Variants in AGMO observed in about 807,000 individuals in gnomAD.
AGMO encodes glyceryl-ether monooxygenase.
A neutral mutation model predicts 60.2 loss-of-function variants in AGMO; 75 were observed. The ratio of observed to expected loss-of-function variants is 1.25; its 90% confidence interval spans 1.03 to 1.51. AGMO has a LOEUF of 1.51. AGMO is among the 40% of genes most tolerant of loss of function. The pLI, the probability that AGMO is intolerant of heterozygous loss-of-function variation, is 0.00. For missense variants in AGMO, 763 were observed against 525.5 expected, an observed-to-expected ratio of 1.45 and a Z score of -4.42; for synonymous variants, 261 against 177.1, an observed-to-expected ratio of 1.47 and a Z score of -3.76.
intron 12 of AGMO, among the ~76,000 whole-genome samples, chr7:15,352,255 A>G (rs534393254): frequency 5.3e-5 from 8 of 152,298 alleles, no homozygotes; most frequent in African/African-American, 9.6e-5. Context: ...TCAAAGGCAT[A>G]TAAGATGGCC....
At position 15,501,455 on chromosome 7, in the gene AGMO, T is replaced by C. The variant is rs77866682; in HGVS notation, c.409+43317A>G. ...GGATATATCATGGTATTCTCTCCAC[T>C]TTTGTGTATATTTGGAAATTTTTAT... On this transcript the variant is annotated intron_variant, in intron 3 of 12. Transcript: ENST00000342526. 1.1e-3 allele frequency among the ~76,000 whole-genome samples: 174 copies of C among 152,092 alleles called. 1 individual carries two copies. The highest frequency in any genetic ancestry group is 4.0e-3 in the African/African-American group (167 of 41,508).
intron 5 of AGMO, among the ~76,000 whole-genome samples, chr7:15,406,092 C>G (rs751001249): frequency 2.0e-5 from 3 of 151,590 alleles, no homozygotes; most frequent in Non-Finnish European, 4.4e-5. Flanking sequence ...ACTCTTCTAA[C>G]TTTGGTTCTT....
chr7:15,319,708 G>T (rs1781048224), intron 12 of AGMO, among the ~76,000 whole-genome samples: 1 of 151,950 alleles, frequency 6.6e-6, no homozygotes, highest in South Asian at 2.1e-4. Flanking sequence ...CACACGGAAA[G>T]ATTCCATTAG....
chr7:15,129,416 T>C, the AGMO span, among the ~76,000 whole-genome samples: 1 of 152,122 alleles, frequency 6.6e-6, no homozygotes, highest in Non-Finnish European at 1.5e-5. Flanking sequence ...TATAGGAAGA[T>C]AATTCTATGT....
chr7:15,255,207 C>T (rs368070548), intron 12 of AGMO, among the ~76,000 whole-genome samples: 9 of 151,714 alleles, frequency 5.9e-5, no homozygotes, highest in South Asian at 2.1e-4. Flanking sequence ...GGAGCCTGTC[C>T]GGGGAGGGGA....
chr7:15,134,261 C>G, the AGMO span, among the ~76,000 whole-genome samples: 1 of 152,174 alleles, frequency 6.6e-6, no homozygotes, highest in Non-Finnish European at 1.5e-5. Flanking sequence ...CTACTGAGCT[C>G]AAGTGATCCT....
Position 15,347,135 on chromosome 7 carries a change from T to C in AGMO, c.1263+18379A>G, listed in dbSNP as rs368973337. 3.4e-4 allele frequency among the ~76,000 whole-genome samples: 52 copies of C among 152,138 alleles called. No individual in the cohort carries two copies. In the South Asian group the frequency reaches 8.7e-3, roughly 25 times the overall value. On this transcript the variant is annotated intron_variant, in intron 12 of 12. Transcript: ENST00000342526. The stretch of plus-strand genomic sequence containing the variant: ...TCTCTTCTCTATCCATTTTCCTGTA[T>C]TGCAATTCTTCTCCCCAGAGGATTC...
intron 12 of AGMO, among the ~76,000 whole-genome samples, chr7:15,228,037 C>T (rs1010247571): frequency 9.9e-5 from 15 of 151,988 alleles, no homozygotes; most frequent in African/African-American, 3.4e-4. Context: ...CAGGGTGCTG[C>T]CTGATTCATG....
At chr7:15,515,576 G>T (rs1783785920) in intron 3 of AGMO, among the ~76,000 whole-genome samples, 1 of 152,188 alleles carries the variant, frequency 6.6e-6, no homozygotes, top group South Asian at 2.1e-4. Context: ...AGACAATTTT[G>T]CTGTATATGA....
chr7:15,140,564 C>T, the AGMO span, among the ~76,000 whole-genome samples: 2 of 151,984 alleles, frequency 1.3e-5, no homozygotes, highest in African/African-American at 2.4e-5. Flanking sequence ...CTCGCCTTTA[C>T]TTTTTTTAAT....
At chr7:15,436,521 G>C (rs1162738838) in intron 3 of AGMO, among the ~76,000 whole-genome samples, 2 of 152,084 alleles carry the variant, frequency 1.3e-5, no homozygotes, top group African/African-American at 4.8e-5. Flanking sequence ...TCCTAACATT[G>C]TTGCATTTGT....
At chr7:15,383,931 T>C (rs1783801863) in intron 10 of AGMO, among the ~76,000 whole-genome samples, 1 of 152,030 alleles carries the variant, frequency 6.6e-6, no homozygotes, top group Non-Finnish European at 1.5e-5. Flanking sequence ...ATTTAGTCCA[T>C]CTATTTTTTT....
chr7:15,250,091 TA>T (rs892915677), intron 12 of AGMO, among the ~76,000 whole-genome samples: 1 of 152,220 alleles, frequency 6.6e-6, no homozygotes, highest in Non-Finnish European at 1.5e-5. Context: ...TTCAACAATT[TA>T]ATATAATTGT....
the AGMO span, among the ~76,000 whole-genome samples, chr7:15,133,987 T>C: frequency 6.6e-6 from 1 of 152,220 alleles, no homozygotes; most frequent in Non-Finnish European, 1.5e-5. Flanking sequence ...CTTTCTGTTA[T>C]GGTCCCTATA....
intron 2 of AGMO, among the ~76,000 whole-genome samples, chr7:15,558,285 C>T (rs542194966): frequency 6.6e-6 from 1 of 151,842 alleles, no homozygotes; most frequent in African/African-American, 2.4e-5. Context: ...AATTCATTGT[C>T]AAAATGCTTA....
chr7:15,489,300 A>G (rs1391129859), intron 3 of AGMO, among the ~76,000 whole-genome samples: 1 of 152,212 alleles, frequency 6.6e-6, no homozygotes, highest in Non-Finnish European at 1.5e-5. Context: ...AAAAACTTAC[A>G]TAACTTTAAG....
At chr7:15,320,328 C>G (rs948888116) in intron 12 of AGMO, among the ~76,000 whole-genome samples, 83 of 151,128 alleles carry the variant, frequency 5.5e-4, no homozygotes, top group African/African-American at 1.8e-3. Flanking sequence ...TGAAGAAAGT[C>G]AAAAACAAAT....
At chr7:15,415,215 G>A (rs940179284) in intron 5 of AGMO, among the ~76,000 whole-genome samples, 1 of 151,890 alleles carries the variant, frequency 6.6e-6, no homozygotes, top group Non-Finnish European at 1.5e-5. Flanking sequence ...TCCTGCCTCA[G>A]CCTCACGAGT....
chr7:15,320,149 T>C (rs1170864476), intron 12 of AGMO, among the ~76,000 whole-genome samples: 1 of 151,714 alleles, frequency 6.6e-6, no homozygotes, highest in Admixed American at 6.6e-5. Context: ...CATTGGGAGA[T>C]ATACCTAATG....
Sources: allele counts gnomAD v4.1 joint callset (sites outside exome capture counted in the v4.1 genomes callset), GRCh38; gene constraint gnomAD v4.1.1; transcripts MANE v1.5; gene names NCBI Gene and HGNC (gene_info 2026-07-23, HGNC 2026-07-21).